Variants in PXDNL observed in about 807,000 individuals in gnomAD.
PXDNL encodes peroxidasin like.
A neutral mutation model predicts 150.8 loss-of-function variants in PXDNL; 145 were observed. The observed-to-expected ratio is 0.96, with a 90% confidence interval of 0.84 to 1.10. The LOEUF (loss-of-function observed/expected upper bound fraction) is 1.10, where lower values mean the gene tolerates loss of function less well. Among genes scored for constraint, PXDNL ranks in the 50% least tolerant of loss-of-function variants. The probability of loss-of-function intolerance (pLI) is 0.00; values close to 1 mark genes in which losing one functional copy is unlikely to be tolerated. For synonymous variants in PXDNL, 757 were observed against 725.7 expected (o/e 1.04, Z -0.69); for missense variants, 2,087 against 1,873.9 (o/e 1.11, Z -2.10).
chr8:51,417,658 C>T (rs1009735627), intron 14 of PXDNL, among the ~76,000 whole-genome samples: 2 of 152,164 alleles, frequency 1.3e-5, no homozygotes, highest in African/African-American at 4.8e-5. Flanking sequence ...GATAATGTAA[C>T]TATCGTAACC....
At chr8:51,400,738 G>GT (rs1379848269) in intron 17 of PXDNL, among the ~76,000 whole-genome samples, 1 of 152,138 alleles carries the variant, frequency 6.6e-6, no homozygotes, top group African/African-American at 2.4e-5. Context: ...TGAAATTGGG[G>GT]TTAAGGTCAT....
chr8:51,562,099 T>C (rs1400396924), intron 3 of PXDNL, among the ~76,000 whole-genome samples: 4 of 151,586 alleles, frequency 2.6e-5, no homozygotes, highest in Non-Finnish European at 4.4e-5. Flanking sequence ...ATTTATTTCA[T>C]ATTTATTTTT....
rs529000108 is a variant in PXDNL at position 51,763,380 on chromosome 8, AAAGGGACGAAGCCCCAGGCAAGC to A, written c.164+45778_164+45800del. On this transcript the variant is annotated intron_variant, in intron 1 of 22. Coordinates refer to ENST00000356297, the MANE Select transcript of PXDNL (RefSeq NM_144651.5). ...GACCTTCCTGGGGCATTCAACTGGA[AAAGGGACGAAGCCCCAGGCAAGC>A]AAGCGCCAGACTCCAGTAAACACAC... 4.8e-3 allele frequency among the ~76,000 whole-genome samples: 731 copies of A among 152,064 alleles called. 5 individuals carry two copies. Among genetic ancestry groups the A allele is most frequent in the Middle Eastern group, 0.017 (5 of 294 alleles).
chr8:51,455,310 G>T (rs1173176442), intron 9 of PXDNL, among the ~76,000 whole-genome samples: 2 of 152,012 alleles, frequency 1.3e-5, no homozygotes, highest in Non-Finnish European at 2.9e-5. Flanking sequence ...TACTGGAGGA[G>T]AGTAATGATA....
At chr8:51,356,803 A>C (rs1238412593) in intron 19 of PXDNL, among the ~76,000 whole-genome samples, 1 of 152,184 alleles carries the variant, frequency 6.6e-6, no homozygotes, top group Non-Finnish European at 1.5e-5. Context: ...AACATTTTGA[A>C]CACTTGCTGC....
chr8:51,750,729 T>C (rs1486787780), intron 1 of PXDNL, among the ~76,000 whole-genome samples: 2 of 152,250 alleles, frequency 1.3e-5, no homozygotes, highest in Non-Finnish European at 2.9e-5. Flanking sequence ...AAAGTCCTTT[T>C]CTTCAAGCCA....
At chr8:51,636,503 G>A (rs975324151) in intron 2 of PXDNL, among the ~76,000 whole-genome samples, 2 of 152,004 alleles carry the variant, frequency 1.3e-5, no homozygotes, top group Non-Finnish European at 2.9e-5. Context: ...CACACTTGCA[G>A]GTACAAAGTC....
intron 17 of PXDNL, among the ~76,000 whole-genome samples, chr8:51,406,325 C>T (rs1808434484): frequency 6.6e-6 from 1 of 152,174 alleles, no homozygotes; most frequent in Non-Finnish European, 1.5e-5. Flanking sequence ...CTATCTGTGC[C>T]ATCTTTGAGC....
chr8:51,556,667 G>T (rs1481116281), intron 4 of PXDNL, among the ~76,000 whole-genome samples, 173 bp downstream of exon 4: 1 of 152,086 alleles, frequency 6.6e-6, no homozygotes, highest in Non-Finnish European at 1.5e-5. Context: ...CTATCCTTAT[G>T]CCAACTCAAT....
At chr8:51,353,453 G>A (rs1806412880) in intron 19 of PXDNL, among the ~76,000 whole-genome samples, 1 of 151,760 alleles carries the variant, frequency 6.6e-6, no homozygotes, top group South Asian at 2.1e-4. Context: ...TGATAATAAT[G>A]TTGTAATTAA....
At chr8:51,403,031 A>C (rs1013508603) in intron 17 of PXDNL, among the ~76,000 whole-genome samples, 1 of 150,478 alleles carries the variant, frequency 6.6e-6, no homozygotes, top group Non-Finnish European at 1.5e-5. Context: ...TGGAGCTTGC[A>C]GTAAGCTGAG....
At chr8:51,774,737 G>C (rs1019919490) in intron 1 of PXDNL, among the ~76,000 whole-genome samples, 5 of 152,108 alleles carry the variant, frequency 3.3e-5, no homozygotes, top group Admixed American at 2.6e-4. Flanking sequence ...AGAATGGTGT[G>C]AACCCAGGAG....
At chr8:51,627,469 T>C (rs1585630686) in intron 2 of PXDNL, among the ~76,000 whole-genome samples, 2 of 152,168 alleles carry the variant, frequency 1.3e-5, no homozygotes, top group Non-Finnish European at 2.9e-5. Context: ...TACTAGACAA[T>C]ATATTTATTA....
chr8:51,765,195 T>C (rs1242172865), intron 1 of PXDNL, among the ~76,000 whole-genome samples: 4 of 152,254 alleles, frequency 2.6e-5, no homozygotes, highest in Middle Eastern at 3.4e-3. Flanking sequence ...AATTCCCACA[T>C]GTTGTGGGAG....
At chr8:51,374,549 A>G (rs1807237557) in intron 18 of PXDNL, 48 bp downstream of exon 18, 2 of 1,598,346 alleles carry the variant, frequency 1.3e-6, no homozygotes, top group East Asian at 2.2e-5. Flanking sequence ...ATTTTGGGTC[A>G]AAAACAACTT....
At chr8:51,797,701 C>T (rs2037575871) in intron 1 of PXDNL, among the ~76,000 whole-genome samples, 1 of 143,826 alleles carries the variant, frequency 7.0e-6, no homozygotes, top group South Asian at 2.4e-4. Flanking sequence ...AAAAACATTC[C>T]ATGTTCATGG....
chr8:51,352,563 C>T lies in PXDNL; in HGVS notation c.3902-6616G>A, dbSNP rs1253621693. ...CTGATGGTTTAAAAGTATGACACTT[C>T]CCCTTTGCTCTCTCTTCCTCCCGCC... On this transcript the variant is annotated intron_variant, in intron 19 of 22. Coordinates refer to ENST00000356297, the MANE Select transcript of PXDNL (RefSeq NM_144651.5). 2.6e-5 allele frequency among the ~76,000 whole-genome samples: 4 copies of T among 152,108 alleles called. No homozygotes were observed. In the East Asian group the frequency reaches 7.7e-4, roughly 29 times the overall value.
At chr8:51,801,461 C>T (rs1477144234) in intron 1 of PXDNL, among the ~76,000 whole-genome samples, 3 of 152,134 alleles carry the variant, frequency 2.0e-5, no homozygotes, top group East Asian at 1.9e-4. Flanking sequence ...TGTTCATACA[C>T]CCCCTCCCCT....
At chr8:51,480,465 T>C (rs1810575915) in intron 6 of PXDNL, among the ~76,000 whole-genome samples, 1 of 151,908 alleles carries the variant, frequency 6.6e-6, no homozygotes, top group African/African-American at 2.4e-5. Context: ...GAAAACACAC[T>C]CAATATTGGG....
Sources: allele counts gnomAD v4.1 joint callset (sites outside exome capture counted in the v4.1 genomes callset), GRCh38; gene constraint gnomAD v4.1.1; transcripts MANE v1.5; gene names NCBI Gene and HGNC (gene_info 2026-07-23, HGNC 2026-07-21).